TJP1: variants seen among roughly 807,000 people sequenced by gnomAD.
The protein encoded by TJP1 is tight junction protein 1.
Under a neutral mutation model 194.2 loss-of-function variants are expected in TJP1, and 43 were observed. The observed-to-expected ratio is 0.22, with a 90% CI of 0.17 to 0.29. The LOEUF is 0.29. Ranked by LOEUF, TJP1 falls within the 10% of genes least tolerant of loss-of-function variation. The pLI is 1.00. For synonymous variants in TJP1, 801 were observed against 779.0 expected, an observed-to-expected ratio of 1.03 and a Z score of -0.47; for missense variants, 1,971 against 2,185.7, an observed-to-expected ratio of 0.90 and a Z score of 1.96.
In TJP1 at chr15:29,906,927, A is replaced by G. The variant is rs138746630; in HGVS notation, c.306+49305T>C. 1.1e-3 allele frequency among the ~76,000 whole-genome samples: 165 copies of G among 152,198 alleles called. 4 individuals are homozygous for G. Among genetic ancestry groups the G allele is most frequent in the African/African-American group, 3.9e-3 (160 of 41,526 alleles). On this transcript the variant is annotated intron_variant, in intron 2 of 28. Transcript: ENST00000356107. Reference sequence around the variant, plus strand: ...GGTTATTCAAGACATGTGATGTACTATTAACTGGAAAAAGCAGAATATAAA... The same window carrying G: ...GGTTATTCAAGACATGTGATGTACTGTTAACTGGAAAAAGCAGAATATAAA...
intron 2 of TJP1, among the ~76,000 whole-genome samples, chr15:29,872,827 G>A (rs144322985): frequency 1.2e-4 from 19 of 152,228 alleles, no homozygotes; most frequent in South Asian, 4.1e-4. Context: ...GAGGTCGTGC[G>A]GCACGTCCAC....
At chr15:29,861,925 G>A (rs575003991) in intron 2 of TJP1, among the ~76,000 whole-genome samples, 16 of 152,132 alleles carry the variant, frequency 1.1e-4, no homozygotes, top group Admixed American at 4.6e-4. Flanking sequence ...CTTAATCCAA[G>A]GTCATGAAGA....
intron 1 of TJP1, among the ~76,000 whole-genome samples, chr15:29,960,635 C>CAAA (rs3085441): frequency 0.029 from 3,460 of 117,806 alleles, 180 homozygotes; most frequent in African/African-American, 0.1. Context: ...GACCATGTCT[C>CAAA]AAAAAAAAAA....
chr15:29,712,692 G>C (rs571902074), intron 23 of TJP1, among the ~76,000 whole-genome samples: 28 of 152,106 alleles, frequency 1.8e-4, no homozygotes, highest in African/African-American at 5.3e-4. Flanking sequence ...TTTGAACTTT[G>C]CTCCTTCTCC....
intron 2 of TJP1, among the ~76,000 whole-genome samples, chr15:29,905,359 G>A (rs565789167): frequency 7.9e-5 from 12 of 151,972 alleles, no homozygotes; most frequent in Non-Finnish European, 1.6e-4. Flanking sequence ...GGTTAAAACT[G>A]GAAAAAAATC....
At chr15:29,884,110 C>T (rs2053032395) in intron 2 of TJP1, among the ~76,000 whole-genome samples, 1 of 152,156 alleles carries the variant, frequency 6.6e-6, no homozygotes, top group African/African-American at 2.4e-5. Context: ...CCTTTTCCTC[C>T]TATATTATGC....
intron 1 of TJP1, among the ~76,000 whole-genome samples, chr15:29,802,678 C>G (rs1473840593): frequency 6.6e-6 from 1 of 151,964 alleles, no homozygotes; most frequent in African/African-American, 2.4e-5. Context: ...CATCAACAGT[C>G]CCACTAACAT....
At chr15:29,701,761 G>A in intron 27 of TJP1, 72 bp from the exon 28 acceptor site, 1 of 1,070,020 alleles carries the variant, frequency 9.3e-7, no homozygotes, top group Non-Finnish European at 1.4e-6. Context: ...GCAATTATAG[G>A]GCAAATACGT....
chr15:29,761,481 T>C lies in TJP1; in HGVS notation c.862+120A>G, dbSNP rs2293186. ...CAGGAAAAAATGTATATAAAACTTA[T>C]AGATTTTGAAGGTGTTTGGCTGGTA... is the stretch of plus-strand genomic sequence containing the variant. On this transcript the variant is annotated intron_variant, in intron 7 of 27. Transcript: ENST00000614355. 153,591 of 1,352,954 alleles carry C rather than the reference T, an allele frequency of 0.11. 9,665 individuals carry two copies. The highest frequency in any genetic ancestry group is 0.23 in the South Asian group (15,190 of 65,164). The allele number at this position is 1,352,954 out of a possible 1,614,324, so 83.8% of individuals were successfully genotyped here. A position where few individuals can be genotyped will look rare whatever the true frequency, so the allele number is the denominator to read the frequency against.
At chr15:29,967,386 C>CAAAT in intron 1 of TJP1, among the ~76,000 whole-genome samples, 1 of 151,810 alleles carries the variant, frequency 6.6e-6, no homozygotes, top group African/African-American at 2.4e-5. Flanking sequence ...AAAAACCAAA[C>CAAAT]TGGTGGGGGC....
At chr15:29,843,999 A>C (rs934773709) in intron 2 of TJP1, among the ~76,000 whole-genome samples, 1 of 152,224 alleles carries the variant, frequency 6.6e-6, no homozygotes, top group South Asian at 2.1e-4. Context: ...GAGAGCAAAG[A>C]AGCAGCAGAG....
At chr15:29,928,749 C>T (rs1424190458) in intron 2 of TJP1, among the ~76,000 whole-genome samples, 1 of 152,180 alleles carries the variant, frequency 6.6e-6, no homozygotes, top group East Asian at 1.9e-4. Context: ...CGAGACCATC[C>T]TGGCTAACAC....
At chr15:29,959,710 T>C (rs16954878) in intron 1 of TJP1, among the ~76,000 whole-genome samples, 1 of 152,188 alleles carries the variant, frequency 6.6e-6, no homozygotes, top group Non-Finnish European at 1.5e-5. Flanking sequence ...GTCCTCAAAA[T>C]TACGGGTCCA....
chr15:29,762,388 C>A lies in TJP1; in HGVS notation c.640G>T (p.Asp214Tyr). The A allele has an allele frequency of 6.2e-7, 1 of 1,613,736 alleles. No individual in the cohort carries two copies. The highest frequency in any genetic ancestry group is 8.5e-7 in the Non-Finnish European group (1 of 1,179,952). The change falls in exon 6 of 28, where the codon GAT becomes TAT. Residue 214 changes from aspartate to tyrosine, a missense_variant. Physicochemically the swap from Asp to Tyr is radical, Grantham distance 160. Around this residue, in one of 5 missense-constraint regions of TJP1, gnomAD observed 245 missense variants for 336.6 expected, o/e 0.73. Coordinates refer to ENST00000614355, the MANE Select transcript of TJP1 (RefSeq NM_001330239.4). ...TTGCCATCTCTTGCTGCCAAACTAT[C>A]TTGTGAAATTTCCTTAACAAATATA... Reference protein sequence around the residue: ...SHIFVKEISQDSLAARDGNIQ... With the variant: ...SHIFVKEISQYSLAARDGNIQ...
At chr15:29,945,317 C>T (rs1003231589) in intron 2 of TJP1, among the ~76,000 whole-genome samples, 1 of 152,206 alleles carries the variant, frequency 6.6e-6, no homozygotes, top group East Asian at 1.9e-4. Flanking sequence ...AAAGTAAGAA[C>T]TTTTATTCTA....
At chr15:29,782,172 C>T (rs2047406433) in intron 2 of TJP1, among the ~76,000 whole-genome samples, 1 of 151,986 alleles carries the variant, frequency 6.6e-6, no homozygotes, top group African/African-American at 2.4e-5. Flanking sequence ...TCTTATAAAC[C>T]AACAACAGCC....
chr15:29,863,228 G>A (rs540008937), intron 2 of TJP1, among the ~76,000 whole-genome samples: 3 of 152,030 alleles, frequency 2.0e-5, no homozygotes, highest in East Asian at 2.0e-4. Flanking sequence ...CCCAGGAGGC[G>A]GATGTTGCAG....
intron 2 of TJP1, among the ~76,000 whole-genome samples, chr15:29,909,627 C>T (rs2152221296): frequency 6.6e-6 from 1 of 152,218 alleles, no homozygotes; most frequent in East Asian, 1.9e-4. Context: ...CCTGAGTCCT[C>T]AGCACCTACA....
At chr15:29,873,480 C>G (rs543465516) in intron 2 of TJP1, among the ~76,000 whole-genome samples, 17 of 152,322 alleles carry the variant, frequency 1.1e-4, no homozygotes, top group Admixed American at 7.2e-4. Flanking sequence ...TGCTACAACT[C>G]TGTGTGCAAG....
Sources: allele counts gnomAD v4.1 joint callset (sites outside exome capture counted in the v4.1 genomes callset), GRCh38; gene constraint gnomAD v4.1.1; regional missense constraint gnomAD v4.1.1; transcripts MANE v1.5; gene names NCBI Gene and HGNC (gene_info 2026-07-23, HGNC 2026-07-21).